LNP1: variants seen among roughly 807,000 people sequenced by gnomAD.
LNP1 encodes the protein leukemia NUP98 fusion partner 1.
A neutral mutation model predicts 14.5 loss-of-function variants in LNP1; 12 were observed. The observed-to-expected ratio is 0.83, with a 90% CI of 0.53 to 1.34. The LOEUF (loss-of-function observed/expected upper bound fraction) is 1.34, where lower values mean the gene tolerates loss of function less well. LNP1 is among the 40% of genes most tolerant of loss of function. The pLI, the probability that LNP1 is intolerant of heterozygous loss-of-function variation, is 0.00. For missense variants in LNP1, 198 were observed against 210.9 expected (o/e 0.94, Z 0.38); for synonymous variants, 75 against 71.4 (o/e 1.05, Z -0.26).
At chr3:100,415,680 T>C (rs2148900147) in intron 1 of LNP1, among the ~76,000 whole-genome samples, 1 of 152,290 alleles carries the variant, frequency 6.6e-6, no homozygotes, top group South Asian at 2.1e-4. Flanking sequence ...AAAACCTGTT[T>C]AGGGCACCAT....
chr3:100,445,469 A>T (rs1707378508), intron 2 of LNP1, among the ~76,000 whole-genome samples: 1 of 152,196 alleles, frequency 6.6e-6, no homozygotes, highest in South Asian at 2.1e-4. Flanking sequence ...AATTGCTGTC[A>T]GTGTTTAACA....
intron 2 of LNP1, among the ~76,000 whole-genome samples, chr3:100,441,197 G>A (rs1707340672): frequency 6.6e-6 from 1 of 152,214 alleles, no homozygotes; most frequent in South Asian, 2.1e-4. Context: ...TGCGGTGGTA[G>A]CAAGCAAGGA....
chr3:100,433,250 G>T (rs78612205), intron 2 of LNP1, among the ~76,000 whole-genome samples: 2 of 152,066 alleles, frequency 1.3e-5, no homozygotes, highest in African/African-American at 4.8e-5. Context: ...CAGTGTGTGC[G>T]TTGTTCCCCT....
chr3:100,434,131 G>T (rs1253328444), intron 2 of LNP1, among the ~76,000 whole-genome samples: 1 of 152,140 alleles, frequency 6.6e-6, no homozygotes, highest in Non-Finnish European at 1.5e-5. Context: ...TCATCATGAA[G>T]TATTTGCCCA....
chr3:100,451,824 T>C lies in LNP1; in HGVS notation c.262T>C (p.Tyr88His). The C allele has an allele frequency of 9.6e-7, 1 of 1,044,088 alleles. No individual in the cohort carries two copies. The allele number at this position is 1,044,088 out of a possible 1,614,324, so 64.7% of individuals were successfully genotyped here. Residue 88 changes from tyrosine to histidine, a missense_variant, in exon 3 of 4, where the codon TAC becomes CAC. Tyr to His is a moderately conservative substitution (Grantham distance 83). Coordinates refer to ENST00000383693, the MANE Select transcript of LNP1 (RefSeq NM_001085451.2). The part of the protein sequence containing the change: ...CRSHVRDYRK[Y>H]SEDGSFKEPL... ...TAGCCACGTACGGGATTACAGAAAA[T>C]ACTCAGAGGATGGGTCATTCAAGGA...
intron 1 of LNP1, among the ~76,000 whole-genome samples, chr3:100,415,327 G>A (rs1214091762): frequency 6.6e-6 from 1 of 151,990 alleles, no homozygotes; most frequent in Non-Finnish European, 1.5e-5. Flanking sequence ...AATGAGCAAA[G>A]GATATAAACA....
intron 2 of LNP1, among the ~76,000 whole-genome samples, chr3:100,441,595 ATTTG>A (rs2148906161): frequency 6.6e-6 from 1 of 151,622 alleles, no homozygotes; most frequent in Admixed American, 6.6e-5. Context: ...TATAGTTTAA[ATTTG>A]TTTATGTTGC....
intron 1 of LNP1, among the ~76,000 whole-genome samples, chr3:100,414,313 G>A (rs866126480): frequency 2.6e-5 from 4 of 152,212 alleles, no homozygotes; most frequent in Admixed American, 1.3e-4. Context: ...TTGGGAGGCC[G>A]AGGTGGGTGG....
intron 2 of LNP1, among the ~76,000 whole-genome samples, chr3:100,436,997 C>T (rs561963528): frequency 2.0e-5 from 3 of 152,316 alleles, no homozygotes; most frequent in African/African-American, 7.2e-5. Flanking sequence ...TCACCAGGAA[C>T]TGAATTAGCC....
intron 3 of LNP1, among the ~76,000 whole-genome samples, chr3:100,454,276 A>G (rs750538678): frequency 2.0e-5 from 3 of 152,214 alleles, no homozygotes; most frequent in Non-Finnish European, 4.4e-5. Flanking sequence ...ATAACTAATT[A>G]TAAATTGAAT....
rs1706918118 is a variant in LNP1, at chr3:100,402,262, G to A, written c.-211G>A. Reference sequence around the variant, plus strand: ...TCCATTTCTGGTATACTGGTTTGCAGAAGCCTTACATTAAGATTTCATAAA... The same window carrying A: ...TCCATTTCTGGTATACTGGTTTGCAAAAGCCTTACATTAAGATTTCATAAA... On this transcript the variant is annotated 5_prime_UTR_variant, in exon 1 of 4. Coordinates refer to ENST00000383693, the MANE Select transcript of LNP1 (RefSeq NM_001085451.2). 1 of 152,234 alleles carries A rather than the reference G, an allele frequency of 6.6e-6. No homozygotes were observed. The highest frequency in any genetic ancestry group is 2.1e-4 in the South Asian group (1 of 4,830). The allele number at this position is 152,234 out of a possible 1,614,324, so 9.4% of individuals were successfully genotyped here.
At position 100,407,185 on chromosome 3, in the gene LNP1, G is replaced by A. The variant is rs534135042; in HGVS notation, c.-34+4746G>A. 8.5e-5 allele frequency among the ~76,000 whole-genome samples: 13 copies of A among 152,238 alleles called. No homozygotes were observed. The East Asian group carries it at 2.5e-3, about 29-fold the overall frequency. ...TAGCTATGTACGTATTTTTGCCAGG[G>A]AGTTTTATACTTTCAGATGTTTCTG... is the stretch of plus-strand genomic sequence containing the variant. On this transcript the variant is annotated intron_variant, in intron 1 of 3. Coordinates refer to ENST00000383693, the MANE Select transcript of LNP1 (RefSeq NM_001085451.2).
intron 2 of LNP1, among the ~76,000 whole-genome samples, chr3:100,448,073 ATTATT>A (rs1195978405): frequency 2.1e-5 from 3 of 143,272 alleles, no homozygotes; most frequent in African/African-American, 7.9e-5. Context: ...CTTTTACCTA[ATTATT>A]TTATTTTAAT....
chr3:100,413,679 G>C (rs1401284677), intron 1 of LNP1, among the ~76,000 whole-genome samples: 3 of 152,220 alleles, frequency 2.0e-5, no homozygotes, highest in Admixed American at 2.0e-4. Context: ...CCCTACACAA[G>C]AATGCTGGGG....
chr3:100,420,629 T>C (rs941353317), intron 1 of LNP1, among the ~76,000 whole-genome samples: 1 of 152,062 alleles, frequency 6.6e-6, no homozygotes, highest in Non-Finnish European at 1.5e-5. Context: ...TGTTTTCTGA[T>C]TGGATTATGT....
chr3:100,409,557 TACACACAC>T lies in LNP1; in HGVS notation c.-34+7146_-34+7153del, dbSNP rs35651277. Among the ~76,000 whole-genome samples, 122 of 126,358 alleles carry T rather than the reference TACACACAC, an allele frequency of 9.7e-4. 2 individuals carry two copies. The highest frequency in any genetic ancestry group is 1.3e-3 in the Non-Finnish European group (80 of 62,464). 82.9% of individuals were successfully genotyped at this position (126,358 alleles called of 152,430 possible). Reference sequence around the variant, plus strand: ...CTCTCTCTCTCTATATATATATACATACACACACACACACACACACACACACACACACA... The same window carrying T: ...CTCTCTCTCTCTATATATATATACATACACACACACACACACACACACACA... On this transcript the variant is annotated intron_variant, in intron 1 of 3. Coordinates refer to ENST00000383693, the MANE Select transcript of LNP1 (RefSeq NM_001085451.2).
At chr3:100,409,488 C>CA (rs1360104428) in intron 1 of LNP1, among the ~76,000 whole-genome samples, 1 of 149,454 alleles carries the variant, frequency 6.7e-6, no homozygotes, top group Non-Finnish European at 1.5e-5. Flanking sequence ...ACTAAAAATA[C>CA]AAAAATTAGC....
At chr3:100,405,044 G>A (rs137899017) in intron 1 of LNP1, among the ~76,000 whole-genome samples, 85 of 152,056 alleles carry the variant, frequency 5.6e-4, no homozygotes, top group Non-Finnish European at 9.0e-4. Flanking sequence ...CGCCCGCCTC[G>A]GCCTCTCAAA....
At chr3:100,423,708 C>A (rs1428325126) in intron 1 of LNP1, among the ~76,000 whole-genome samples, 1 of 151,908 alleles carries the variant, frequency 6.6e-6, no homozygotes, top group African/African-American at 2.4e-5. Flanking sequence ...TAAGAAAATT[C>A]TCATTTTCTT....
Sources: gnomAD v4.1 joint callset for allele counts (sites outside exome capture counted in the v4.1 genomes callset) on GRCh38, gnomAD v4.1.1 for gene constraint, MANE v1.5 for transcripts, NCBI Gene and HGNC (gene_info 2026-07-23, HGNC 2026-07-21) for gene names.